RERE: variants seen among roughly 807,000 people sequenced by gnomAD.
RERE encodes the protein arginine-glutamic acid dipeptide repeats, also known as arginine-glutamic acid dipeptide repeats protein.
Under a neutral mutation model 146.1 loss-of-function variants are expected in RERE, and 40 were observed. That is an observed-to-expected ratio of 0.27 (90% CI 0.21 to 0.36). RERE has a LOEUF of 0.36. RERE is among the 10% of genes least tolerant of loss of function. The pLI, the probability that RERE is intolerant of heterozygous loss-of-function variation, is 1.00. For synonymous variants in RERE, 1,003 were observed against 866.0 expected (o/e 1.16, Z -2.78); for missense variants, 1,933 against 2,138.7 (o/e 0.90, Z 1.90).
intron 2 of RERE, among the ~76,000 whole-genome samples, chr1:8,631,578 C>T (rs1333061315): frequency 6.6e-6 from 1 of 152,184 alleles, no homozygotes. Flanking sequence ...TACTGATATG[C>T]TAAATATTAG....
chr1:8,526,295 T>C (rs79284192), intron 7 of RERE, among the ~76,000 whole-genome samples: 10 of 6,946 alleles, frequency 1.4e-3, no homozygotes, highest in Non-Finnish European at 3.9e-3. Flanking sequence ...AGTTTTGTCT[T>C]TTTTTTTTTT....
chr1:8,484,246 G>A (rs1644869845), intron 10 of RERE, among the ~76,000 whole-genome samples: 1 of 152,120 alleles, frequency 6.6e-6, no homozygotes, highest in African/African-American at 2.4e-5. Context: ...TCATCTCCAT[G>A]TTATATAGCA....
At position 8,364,601 on chromosome 1, in the gene RERE, C is replaced by CT. The variant is rs1234613853; in HGVS notation, c.1540+144dup. 1.5e-6 allele frequency: 1 copy of CT among 674,894 alleles called. No individual in the cohort carries two copies. Among genetic ancestry groups the CT allele is most frequent in the Non-Finnish European group, 2.7e-6 (1 of 376,570 alleles). The allele number at this position is 674,894 out of a possible 1,614,324, so 41.8% of individuals were successfully genotyped here. A position where few individuals can be genotyped will look rare whatever the true frequency, so the allele number is the denominator to read the frequency against. On this transcript the variant is annotated intron_variant, in intron 14 of 22. Transcript: ENST00000400908. The surrounding 1 kb of genome is among the most constrained non-coding windows in gnomAD (Gnocchi z 5.1). ...GAGGAGTAAAGTAAACTAAACATTT[C>CT]TAACTTTCTCGAATCCCGAAGCACA... is the stretch of plus-strand genomic sequence containing the variant.
chr1:8,694,814 T>C (rs1049917276), intron 1 of RERE, among the ~76,000 whole-genome samples: 6 of 151,844 alleles, frequency 4.0e-5, no homozygotes, highest in African/African-American at 7.3e-5. Context: ...TGCTCATAGA[T>C]TGGAAGAATC....
intron 8 of RERE, among the ~76,000 whole-genome samples, chr1:8,504,244 C>G (rs960478962): frequency 6.6e-6 from 1 of 152,074 alleles, no homozygotes; most frequent in Non-Finnish European, 1.5e-5. Context: ...AATTCCACAT[C>G]TAGGGAAGAC....
intron 11 of RERE, chr1:8,428,426 G>C (rs1644047174): frequency 6.6e-6 from 1 of 152,146 alleles, no homozygotes; most frequent in Admixed American, 6.5e-5. Context: ...TTATGGCAAG[G>C]AGATTGTTGC....
rs1273337464 is a variant in RERE at position 8,353,927 on chromosome 1, C to CA, written c.*1159dup. Reference sequence around the variant, plus strand: ...CGTCCTCACCACAAGATCCAAGTGACAATGCGCATGAGAAGGCAGCCTTCT... The same window carrying CA: ...CGTCCTCACCACAAGATCCAAGTGACAAATGCGCATGAGAAGGCAGCCTTCT... On this transcript the variant is annotated 3_prime_UTR_variant, in exon 23 of 23. Coordinates refer to ENST00000400908, the MANE Select transcript of RERE (RefSeq NM_001042681.2). The CA allele has an allele frequency of 1.3e-5, 2 of 152,620 alleles. No individual in the cohort carries two copies. The highest frequency in any genetic ancestry group is 6.5e-5 in the Admixed American group (1 of 15,286). 9.5% of individuals were successfully genotyped at this position (152,620 alleles called of 1,614,324 possible). A position where few individuals can be genotyped will look rare whatever the true frequency, so the allele number is the denominator to read the frequency against.
intron 1 of RERE, chr1:8,751,008 A>G (rs949445370): frequency 6.2e-6 from 4 of 643,668 alleles, no homozygotes; most frequent in African/African-American, 5.4e-5. Context: ...CATGAGATCT[A>G]AACTATTGGA....
intron 6 of RERE, among the ~76,000 whole-genome samples, chr1:8,544,986 G>A (rs1406102091): frequency 1.3e-5 from 2 of 152,206 alleles, no homozygotes; most frequent in Non-Finnish European, 2.9e-5. Flanking sequence ...AAAAATGTGT[G>A]TATATGTGTG....
chr1:8,582,044 T>C (rs537155726), intron 4 of RERE, among the ~76,000 whole-genome samples: 11 of 152,286 alleles, frequency 7.2e-5, no homozygotes, highest in Non-Finnish European at 1.3e-4. Flanking sequence ...CAGCTATTAA[T>C]ATAATTGCTT....
chr1:8,465,833 T>G lies in RERE; in HGVS notation c.1203+92A>C, dbSNP rs770544778. Reference sequence around the variant, plus strand: ...GACAGCCATTCTGCATGACTGAAGCTTCTGCTTTCCCTGAGCAGCAGGGAG... The same window carrying G: ...GACAGCCATTCTGCATGACTGAAGCGTCTGCTTTCCCTGAGCAGCAGGGAG... On this transcript the variant is annotated intron_variant, in intron 11 of 22. Transcript: ENST00000400908. The G allele has an allele frequency of 9.3e-6, 10 of 1,074,268 alleles. No homozygotes were observed. In the South Asian group the frequency reaches 1.0e-4, roughly 11 times the overall value. 66.5% of individuals were successfully genotyped at this position (1,074,268 alleles called of 1,614,324 possible).
intron 4 of RERE, among the ~76,000 whole-genome samples, chr1:8,606,452 GAATA>G (rs891166303): frequency 1.3e-5 from 2 of 151,952 alleles, no homozygotes; most frequent in Non-Finnish European, 2.9e-5. Flanking sequence ...AATTACCAAG[GAATA>G]AATATTTAGG....
At position 8,359,767 on chromosome 1, in the gene RERE, C is replaced by A; in HGVS notation, c.3615G>T (p.Ala1205=). 6.3e-7 allele frequency: 1 copy of A among 1,599,894 alleles called. No individual in the cohort carries two copies. The highest frequency in any genetic ancestry group is 8.5e-7 in the Non-Finnish European group (1 of 1,179,394). The part of the protein sequence containing the change: ...EREREREAER[A]AKASSSAHEG... ...ACCTCGCCAACCCTGGACTCACAGC[C>A]GCCCGCTCTGCCTCGCGCTCCCGCT... Residue 1205 remains alanine (A), a synonymous_variant, in exon 19 of 23, where the codon GCG becomes GCT. Transcript: ENST00000400908.
chr1:8,766,343 C>T (rs1308973219), intron 1 of RERE, among the ~76,000 whole-genome samples: 1 of 151,954 alleles, frequency 6.6e-6, no homozygotes, highest in Non-Finnish European at 1.5e-5. Flanking sequence ...AGTTCAAGAC[C>T]AGCCTGGCCA....
chr1:8,590,918 A>T (rs570512398), intron 4 of RERE: 20 of 152,392 alleles, frequency 1.3e-4, no homozygotes, highest in African/African-American at 4.8e-4. Context: ...TTCTAGAAAC[A>T]GCTGAAGAAC....
intron 1 of RERE, among the ~76,000 whole-genome samples, chr1:8,694,796 ACATTTGATGCTCATAGATTGGAAGAAT>A (rs1203378474): frequency 1.3e-5 from 2 of 152,038 alleles, no homozygotes; most frequent in African/African-American, 4.8e-5. Context: ...AAATGGAAAA[ACATTTGATGCTCATAGATTGGAAGAAT>A]CATTAAAATG....
chr1:8,544,771 C>A (rs530221840), intron 6 of RERE, among the ~76,000 whole-genome samples: 22 of 152,138 alleles, frequency 1.4e-4, no homozygotes, highest in African/African-American at 5.3e-4. Context: ...GAAAGTAAAA[C>A]AATGAGAATC....
intron 7 of RERE, chr1:8,512,641 T>G (rs1475731574): frequency 6.6e-6 from 1 of 152,482 alleles, no homozygotes; most frequent in African/African-American, 2.4e-5. Context: ...GGTTAGCTCC[T>G]CAACCCCGCA....
chr1:8,599,323 G>A (rs986889985), intron 4 of RERE, among the ~76,000 whole-genome samples: 1 of 152,196 alleles, frequency 6.6e-6, no homozygotes, highest in Non-Finnish European at 1.5e-5. Context: ...CCAACTTCTT[G>A]TATAACTTCC....
Sources: allele counts gnomAD v4.1 joint callset (sites outside exome capture counted in the v4.1 genomes callset), GRCh38; gene constraint gnomAD v4.1.1; non-coding constraint Gnocchi (gnomAD v3.1); transcripts MANE v1.5; gene names NCBI Gene and HGNC (gene_info 2026-07-23, HGNC 2026-07-21).